Variants in SQSTM1 observed in about 807,000 individuals in gnomAD.
SQSTM1 encodes sequestosome 1, also known as sequestosome-1.
Under a neutral mutation model 45.1 loss-of-function variants are expected in SQSTM1, and 36 were observed. The ratio of observed to expected loss-of-function variants is 0.80; its 90% CI spans 0.61 to 1.05. The LOEUF is 1.05. Among genes scored for constraint, SQSTM1 ranks in the 50% least tolerant of loss-of-function variants. The pLI, the probability that SQSTM1 is intolerant of heterozygous loss-of-function variation, is 0.00. For synonymous variants in SQSTM1, 290 were observed against 244.3 expected, an observed-to-expected ratio of 1.19 and a Z score of -1.74; for missense variants, 617 against 607.1, an observed-to-expected ratio of 1.02 and a Z score of -0.17.
intron 1 of SQSTM1, chr5:179,821,515 G>A (rs1266717084): frequency 4.0e-6 from 2 of 504,602 alleles, no homozygotes; most frequent in African/African-American, 2.0e-5. Flanking sequence ...GTGGTCAGGC[G>A]GGCACTCGGG....
rs155790 is a variant in SQSTM1 at position 179,836,676 on chromosome 5, G to A, written c.*83G>A. The A allele has an allele frequency of 8.0e-3, 12,743 of 1,599,608 alleles. 56 individuals carry two copies. Among genetic ancestry groups the A allele is most frequent in the Non-Finnish European group, 9.5e-3 (11,129 of 1,167,426 alleles). On this transcript the variant is annotated 3_prime_UTR_variant, in exon 8 of 8. Transcript: ENST00000389805. ...TGCGTAGAATTGCAGGTCTCTGTAC[G>A]GGCCAGTTTCTCTGCCTTCTTCCAG...
chr5:179,836,295 T>C (rs1218770284), intron 7 of SQSTM1, 141 bp from the exon 8 acceptor site: 17 of 1,092,100 alleles, frequency 1.6e-5, no homozygotes, highest in Non-Finnish European at 2.4e-5. Flanking sequence ...AGGTCCACTG[T>C]GGCCTGTGAG....
rs1320111508 is a variant in SQSTM1, at chr5:179,821,073, G to A, written c.137G>A (p.Arg46Gln). 2.7e-6 allele frequency: 4 copies of A among 1,483,120 alleles called. No homozygotes were observed. The highest frequency in any genetic ancestry group is 5.7e-5 in the East Asian group (2 of 34,932). 91.9% of individuals were successfully genotyped at this position (1,483,120 alleles called of 1,614,324 possible). The change falls in exon 1 of 8, where the codon CGG (arginine) becomes CAG (glutamine). Residue 46 changes from arginine (R) to glutamine (Q), a missense_variant. Arg to Gln is a conservative substitution (Grantham distance 43). Coordinates refer to ENST00000389805, the MANE Select transcript of SQSTM1 (RefSeq NM_003900.5). ...GCGGCGGGTCCGGGACCCTGCGAGC[G>A]GCTGCTGAGCCGGGTGGCCGCCCTG... ...EAAAGPGPCE[R>Q]LLSRVAALFP... is the part of the protein sequence containing the mutation.
chr5:179,830,135 A>AAAAAAC (rs145158060), intron 5 of SQSTM1, among the ~76,000 whole-genome samples: 2 of 151,312 alleles, frequency 1.3e-5, no homozygotes, highest in Non-Finnish European at 2.9e-5. Flanking sequence ...AACAAAACAA[A>AAAAAAC]AAACAAAAAT....
In SQSTM1 at chr5:179,823,905, G is replaced by A. The variant is rs1468875537; in HGVS notation, c.349G>A (p.Ala117Thr). The A allele has an allele frequency of 1.2e-6, 2 of 1,613,480 alleles. No homozygotes were observed. The highest frequency in any genetic ancestry group is 8.5e-7 in the Non-Finnish European group (1 of 1,180,022). ...CCACCGCCCACCGTGTGCTCAGGAG[G>A]CGCCCCGCAACATGGTGCACCCCAA... ...RDHRPPCAQE[A>T]PRNMVHPNVI... Residue 117 changes from alanine (A) to threonine (T), a missense_variant, in exon 3 of 8, where the codon GCG (alanine) becomes ACG (threonine). Transcript: ENST00000389805.
At chr5:179,821,568 T>G in intron 1 of SQSTM1, 3 of 459,138 alleles carry the variant, frequency 6.5e-6, no homozygotes, top group Non-Finnish European at 8.7e-6. Flanking sequence ...GTTCAGATAA[T>G]GCCCTGGAGG....
In SQSTM1 at chr5:179,833,757, T is replaced by C. The variant is rs746170903; in HGVS notation, c.1140T>C (p.Ala380=). 2.5e-6 allele frequency: 4 copies of C among 1,614,096 alleles called. No homozygotes were observed. The South Asian group carries it at 3.3e-5, about 13-fold the overall frequency. ...AGGGACCCACAGGGCTGAAGGAAGC[T>C]GCCTTGTACCCACATCTCCCGCCAG... ...SQEGPTGLKE[A]ALYPHLPPEA... Residue 380 remains alanine, a synonymous_variant, in exon 7 of 8, where the codon GCT becomes GCC. Transcript: ENST00000389805.
rs1219381998 is a variant in SQSTM1 at position 179,825,417 on chromosome 5, A to C, written c.754+191A>C. Among the ~76,000 whole-genome samples the C allele has an allele frequency of 2.0e-5, 3 of 152,198 alleles. No individual in the cohort carries two copies. In the East Asian group the frequency reaches 5.8e-4, roughly 29 times the overall value. ...GTTGAATTCCCTGACAAAATTCTCG[A>C]GCTTTCTACATGGAGTGAAGTCGAA... On this transcript the variant is annotated intron_variant, in intron 5 of 7. Coordinates refer to ENST00000389805, the MANE Select transcript of SQSTM1 (RefSeq NM_003900.5).
chr5:179,829,542 G>T (rs1362099339), intron 5 of SQSTM1, among the ~76,000 whole-genome samples: 1 of 151,986 alleles, frequency 6.6e-6, no homozygotes, highest in African/African-American at 2.4e-5. Context: ...GCATGAAAAA[G>T]GAACAGGATA....
At chr5:179,814,000 A>G (rs1189021303), upstream of SQSTM1, among the ~76,000 whole-genome samples, 2 of 152,136 alleles carry the variant, frequency 1.3e-5, no homozygotes, top group Admixed American at 6.5e-5. Flanking sequence ...CTCCTAGTAC[A>G]CGAATAAAAA....
At chr5:179,830,463 T>C (rs1285883371) in intron 5 of SQSTM1, among the ~76,000 whole-genome samples, 1 of 152,112 alleles carries the variant, frequency 6.6e-6, no homozygotes, top group Non-Finnish European at 1.5e-5. Flanking sequence ...GGTACAGTTG[T>C]CTTCATCTCG....
chr5:179,833,823 C>T (rs577304226), intron 7 of SQSTM1, 41 bp downstream of exon 7: 6 of 1,603,614 alleles, frequency 3.7e-6, no homozygotes, highest in Non-Finnish European at 5.1e-6. Flanking sequence ...CCTACCTTTC[C>T]CTTTAGAGCA....
chr5:179,829,920 A>C (rs1374166169), intron 5 of SQSTM1, among the ~76,000 whole-genome samples: 1 of 152,152 alleles, frequency 6.6e-6, no homozygotes, highest in Non-Finnish European at 1.5e-5. Flanking sequence ...ACATAGGGAG[A>C]CACCATCCCC....
chr5:179,820,852 C>T, upstream of SQSTM1: 6 of 1,267,300 alleles, frequency 4.7e-6, 1 homozygote, highest in South Asian at 5.2e-5. Flanking sequence ...CCTCTCGAGG[C>T]GGGGCGGGGC....
At position 179,821,524 on chromosome 5, in the gene SQSTM1, G is replaced by A. The variant is rs775637191; in HGVS notation, c.205+383G>A. ...CACTGGGTGGTCAGGCGGGCACTCG[G>A]GTTACACTGACACCTTGCTGCGCCA... On this transcript the variant is annotated intron_variant, in intron 1 of 7. Transcript: ENST00000389805. 6.0e-5 allele frequency: 30 copies of A among 496,756 alleles called. 1 individual carries two copies. The highest frequency in any genetic ancestry group is 2.8e-4 in the South Asian group (18 of 64,894). 30.8% of individuals were successfully genotyped at this position (496,756 alleles called of 1,614,324 possible).
chr5:179,832,241 G>C (rs1252639839), intron 5 of SQSTM1, among the ~76,000 whole-genome samples: 1 of 152,358 alleles, frequency 6.6e-6, no homozygotes, highest in East Asian at 1.9e-4. Context: ...GGAGTGGGAT[G>C]GGGGCAGGGA....
intron 5 of SQSTM1, among the ~76,000 whole-genome samples, chr5:179,829,526 TTGTC>T (rs1269420505): frequency 6.6e-6 from 1 of 152,068 alleles, no homozygotes; most frequent in Non-Finnish European, 1.5e-5. Flanking sequence ...CAAAAGAGCA[TTGTC>T]TGCATGAAAA....
At chr5:179,822,712 G>A in intron 1 of SQSTM1, 1 of 544,064 alleles carries the variant, frequency 1.8e-6, no homozygotes, top group Non-Finnish European at 3.4e-6. Flanking sequence ...TGCTGCCCCT[G>A]TGCACAGGCC....
Position 179,833,199 on chromosome 5 carries a change from G to C in SQSTM1, c.922G>C (p.Ala308Pro). Residue 308 changes from alanine (A) to proline (P), a missense_variant, in exon 6 of 8, where the codon GCG (alanine) becomes CCG (proline). Physicochemically the swap from Ala to Pro is conservative, Grantham distance 27 (BLOSUM62 -1). Coordinates refer to ENST00000389805, the MANE Select transcript of SQSTM1 (RefSeq NM_003900.5). ...TGTTGAGGGCGCCACGCAGTCTCTG[G>C]CGGAGCAGATGAGGAAGATCGCCTT... ...GNVEGATQSL[A>P]EQMRKIALES... 2.5e-6 allele frequency: 4 copies of C among 1,612,678 alleles called. No homozygotes were observed. Among genetic ancestry groups the C allele is most frequent in the Non-Finnish European group, 3.4e-6 (4 of 1,179,446 alleles).
Sources: allele counts gnomAD v4.1 joint callset (sites outside exome capture counted in the v4.1 genomes callset), GRCh38; gene constraint gnomAD v4.1.1; transcripts MANE v1.5; gene names NCBI Gene and HGNC (gene_info 2026-07-23, HGNC 2026-07-21).